Variants in ZNF521 observed in about 807,000 individuals in gnomAD.
The protein encoded by ZNF521 is LYST-interacting protein 3.
A neutral mutation model predicts 105.5 loss-of-function variants in ZNF521; 14 were observed. The ratio of observed to expected loss-of-function variants is 0.13; its 90% CI spans 0.09 to 0.21. ZNF521 has a LOEUF of 0.21. ZNF521 is among the 10% of genes least tolerant of loss of function. ZNF521 has a pLI of 1.00. For missense variants in ZNF521, 1,233 were observed against 1,629.7 expected (o/e 0.76, Z 4.19); for synonymous variants, 635 against 606.0 (o/e 1.05, Z -0.70).
At chr18:25,267,898 C>T (rs1171109398) in intron 3 of ZNF521, among the ~76,000 whole-genome samples, 2 of 152,126 alleles carry the variant, frequency 1.3e-5, no homozygotes, top group East Asian at 3.9e-4. Context: ...CAACTCCTCA[C>T]CAGCAAGGGA....
chr18:25,115,056 C>A (rs1416246104), intron 5 of ZNF521, among the ~76,000 whole-genome samples: 1 of 152,102 alleles, frequency 6.6e-6, no homozygotes, highest in Non-Finnish European at 1.5e-5. Context: ...ATTCAGGGTC[C>A]CTTTCTATGC....
chr18:25,159,217 T>C (rs2035204339), intron 5 of ZNF521, among the ~76,000 whole-genome samples: 1 of 152,086 alleles, frequency 6.6e-6, no homozygotes, highest in Non-Finnish European at 1.5e-5. Flanking sequence ...ATCAATTAAG[T>C]TGTGCTCACT....
intron 2 of ZNF521, among the ~76,000 whole-genome samples, chr18:25,322,490 G>C (rs8090710): frequency 0.34 from 46,818 of 137,024 alleles, 7,507 homozygotes; most frequent in Middle Eastern, 0.37. Flanking sequence ...TTTAGTTTTC[G>C]CTTAAAAGAG....
chr18:25,131,560 G>A (rs2034641487), intron 5 of ZNF521, among the ~76,000 whole-genome samples: 1 of 152,050 alleles, frequency 6.6e-6, no homozygotes, highest in Non-Finnish European at 1.5e-5. Flanking sequence ...TATCTATCAT[G>A]ACATAAATAT....
chr18:25,243,761 T>C (rs1333632244), intron 3 of ZNF521, among the ~76,000 whole-genome samples: 1 of 152,210 alleles, frequency 6.6e-6, no homozygotes, highest in Non-Finnish European at 1.5e-5. Flanking sequence ...AAGTGTCTTG[T>C]TTTCATAAAT....
At chr18:25,248,263 C>T (rs931095369) in intron 3 of ZNF521, among the ~76,000 whole-genome samples, 1 of 152,158 alleles carries the variant, frequency 6.6e-6, no homozygotes, top group Non-Finnish European at 1.5e-5. Flanking sequence ...GACTCTAGGT[C>T]AGCAACAACA....
At chr18:25,108,937 T>C (rs1195596800) in intron 5 of ZNF521, among the ~76,000 whole-genome samples, 2 of 152,190 alleles carry the variant, frequency 1.3e-5, no homozygotes, top group Non-Finnish European at 1.5e-5. Context: ...ATTTTAAAAA[T>C]TAATTTATTT....
intron 5 of ZNF521, among the ~76,000 whole-genome samples, chr18:25,184,888 C>T (rs914870546): frequency 6.6e-6 from 1 of 152,124 alleles, no homozygotes; most frequent in Non-Finnish European, 1.5e-5. Context: ...TGGTTAAAAG[C>T]TTGTTCACAA....
intron 7 of ZNF521, among the ~76,000 whole-genome samples, chr18:25,065,648 AC>A (rs750765443): frequency 3.3e-5 from 5 of 152,168 alleles, no homozygotes; most frequent in East Asian, 3.9e-4. Flanking sequence ...AAAAAAAAAA[AC>A]AGTTTAATTA....
chr18:25,210,188 G>A (rs1042755219), intron 4 of ZNF521, among the ~76,000 whole-genome samples: 1 of 152,064 alleles, frequency 6.6e-6, no homozygotes, highest in Non-Finnish European at 1.5e-5. Context: ...CATAGACTAT[G>A]CCATCTGCTT....
intron 3 of ZNF521, among the ~76,000 whole-genome samples, chr18:25,239,918 C>T (rs191435383): frequency 1.3e-5 from 2 of 152,090 alleles, no homozygotes; most frequent in Non-Finnish European, 2.9e-5. Flanking sequence ...AAGCAGTTAA[C>T]ATATTTTCTC....
At chr18:25,252,209 T>C (rs771758878) in intron 3 of ZNF521, among the ~76,000 whole-genome samples, 2 of 152,140 alleles carry the variant, frequency 1.3e-5, no homozygotes, top group Non-Finnish European at 2.9e-5. Flanking sequence ...GACATTTATA[T>C]AGAAAACTAG....
chr18:25,272,590 G>GA (rs1440325270), intron 3 of ZNF521, among the ~76,000 whole-genome samples: 4 of 152,066 alleles, frequency 2.6e-5, no homozygotes, highest in Non-Finnish European at 5.9e-5. Flanking sequence ...CCATAAAAAA[G>GA]AAAGAGTTCA....
chr18:25,188,335 C>A (rs2035761352), intron 5 of ZNF521, among the ~76,000 whole-genome samples: 1 of 152,174 alleles, frequency 6.6e-6, no homozygotes, highest in Non-Finnish European at 1.5e-5. Context: ...GACACCCACT[C>A]TCCATATTGG....
chr18:25,228,519 G>A (rs867903845), intron 3 of ZNF521, among the ~76,000 whole-genome samples: 1 of 152,226 alleles, frequency 6.6e-6, no homozygotes, highest in Non-Finnish European at 1.5e-5. Flanking sequence ...AAGTTCAAGA[G>A]GTGGCCCACC....
At chr18:25,118,760 T>C (rs1040173999) in intron 5 of ZNF521, among the ~76,000 whole-genome samples, 1 of 152,074 alleles carries the variant, frequency 6.6e-6, no homozygotes, top group Admixed American at 6.5e-5. Context: ...AGCAAAGACA[T>C]GGGAGGCCTA....
At chr18:25,116,924 T>TAC (rs1567968589) in intron 5 of ZNF521, among the ~76,000 whole-genome samples, 5 of 127,970 alleles carry the variant, frequency 3.9e-5, no homozygotes, top group African/African-American at 1.6e-4. Flanking sequence ...TATATCTATG[T>TAC]ATATATATAC....
intron 3 of ZNF521, among the ~76,000 whole-genome samples, chr18:25,288,923 C>A (rs1181341228): frequency 1.3e-5 from 2 of 152,138 alleles, no homozygotes; most frequent in Non-Finnish European, 2.9e-5. Flanking sequence ...TTTCATGCTG[C>A]CATTAACAAA....
intron 2 of ZNF521, 26 bp from the exon 3 acceptor site, chr18:25,322,213 TG>T (rs1273693746): frequency 6.2e-7 from 1 of 1,610,212 alleles, no homozygotes; most frequent in Admixed American, 1.7e-5. Flanking sequence ...ACTGTAAGTA[TG>T]GGGTTTAAAG....
Sources: allele counts gnomAD v4.1 joint callset (sites outside exome capture counted in the v4.1 genomes callset), GRCh38; gene constraint gnomAD v4.1.1; transcripts MANE v1.5; gene names NCBI Gene and HGNC (gene_info 2026-07-23, HGNC 2026-07-21).